The following TMEM135 variants were observed in gnomAD, a reference collection of about 807,000 sequenced individuals.
TMEM135 encodes the protein peroxisomal membrane protein 52.
A neutral mutation model predicts 60.3 loss-of-function variants in TMEM135; 30 were observed. That is an observed-to-expected ratio of 0.50 (90% confidence interval 0.37 to 0.68). TMEM135 has a LOEUF of 0.68. Ranked by LOEUF, TMEM135 falls within the 30% of genes least tolerant of loss-of-function variation. The pLI, the probability that TMEM135 is intolerant of heterozygous loss-of-function variation, is 0.00. For missense variants in TMEM135, 468 were observed against 548.8 expected (o/e 0.85, Z 1.47); for synonymous variants, 190 against 186.7 (o/e 1.02, Z -0.14).
intron 5 of TMEM135, among the ~76,000 whole-genome samples, chr11:87,167,048 G>A (rs113704245): frequency 0.022 from 3,366 of 152,040 alleles, 139 homozygotes; most frequent in African/African-American, 0.078. Context: ...ATTCCTAGGT[G>A]TTTTATTCTC....
At chr11:87,085,779 A>G (rs540403235) in intron 3 of TMEM135, among the ~76,000 whole-genome samples, 18 of 152,260 alleles carry the variant, frequency 1.2e-4, no homozygotes, top group African/African-American at 4.3e-4. Flanking sequence ...AACAACAAAA[A>G]AGATAATTTA....
chr11:87,186,770 G>C (rs1018402808), intron 5 of TMEM135, among the ~76,000 whole-genome samples: 9 of 152,074 alleles, frequency 5.9e-5, no homozygotes, highest in Non-Finnish European at 1.0e-4. Flanking sequence ...GAAACATTTT[G>C]AAACTCAGTA....
intron 4 of TMEM135, among the ~76,000 whole-genome samples, chr11:87,146,820 T>A (rs1451362537): frequency 6.6e-6 from 1 of 152,020 alleles, no homozygotes; most frequent in Non-Finnish European, 1.5e-5. Flanking sequence ...AAAATCAATG[T>A]GTAGAGAGTT....
In TMEM135 at chr11:87,037,967, G is replaced by T; in HGVS notation, c.-79G>T. On this transcript the variant is annotated 5_prime_UTR_variant, in exon 1 of 15. Transcript: ENST00000305494. ...CCTCCGAGTGCTGGCCGGGCGAGAGGCTGGCGGCTGGGCTCTCGCGCCCCT... is the reference window on the plus strand; with the variant it reads ...CCTCCGAGTGCTGGCCGGGCGAGAGTCTGGCGGCTGGGCTCTCGCGCCCCT... 2 of 1,599,224 alleles carry T rather than the reference G, an allele frequency of 1.3e-6. No individual in the cohort carries two copies. Among genetic ancestry groups the T allele is most frequent in the Non-Finnish European group, 1.7e-6 (2 of 1,174,442 alleles).
chr11:87,294,435 G>A (rs1220362862), intron 6 of TMEM135, among the ~76,000 whole-genome samples: 2 of 152,174 alleles, frequency 1.3e-5, no homozygotes, highest in Admixed American at 1.3e-4. Flanking sequence ...CCAGGCTGGA[G>A]AGCAATGGCG....
chr11:87,093,468 C>G (rs1042557572), intron 4 of TMEM135, among the ~76,000 whole-genome samples: 3 of 152,072 alleles, frequency 2.0e-5, no homozygotes, highest in African/African-American at 7.2e-5. Context: ...GCCTTGGCCT[C>G]CCAAAGTGCT....
intron 4 of TMEM135, among the ~76,000 whole-genome samples, chr11:87,155,168 T>A (rs748217470): frequency 6.6e-6 from 1 of 152,100 alleles, no homozygotes; most frequent in African/African-American, 2.4e-5. Context: ...CCAGCTAATT[T>A]ATGTGTTTTT....
intron 3 of TMEM135, among the ~76,000 whole-genome samples, chr11:87,085,254 C>T (rs956737511): frequency 6.6e-6 from 1 of 152,130 alleles, no homozygotes; most frequent in East Asian, 1.9e-4. Flanking sequence ...ATAATATTCT[C>T]TCCGGGTCTG....
intron 4 of TMEM135, among the ~76,000 whole-genome samples, chr11:87,109,216 C>G (rs11234969): frequency 0.081 from 12,359 of 152,150 alleles, 571 homozygotes; most frequent in East Asian, 0.17. Context: ...AGTTGTCCCC[C>G]TTTATCTGCC....
chr11:87,051,008 A>G (rs910437377), intron 1 of TMEM135, among the ~76,000 whole-genome samples: 5 of 91,874 alleles, frequency 5.4e-5, no homozygotes, highest in African/African-American at 2.4e-4. Flanking sequence ...AGGCTGGTTC[A>G]ATATACACAA....
At chr11:87,062,162 C>T (rs919638323) in intron 1 of TMEM135, among the ~76,000 whole-genome samples, 20 of 151,358 alleles carry the variant, frequency 1.3e-4, no homozygotes, top group East Asian at 5.9e-4. Context: ...CACACCACCA[C>T]GCCTGGCTAA....
intron 13 of TMEM135, 155 bp from the exon 14 acceptor site, chr11:87,319,155 C>T (rs1942781839): frequency 1.5e-6 from 1 of 667,662 alleles, no homozygotes; most frequent in African/African-American, 1.8e-5. Flanking sequence ...AGGTGTGAGC[C>T]ACCGTGCCCA....
intron 5 of TMEM135, among the ~76,000 whole-genome samples, chr11:87,229,049 C>A (rs2135365230): frequency 6.6e-6 from 1 of 152,192 alleles, no homozygotes; most frequent in African/African-American, 2.4e-5. Context: ...CCTACAAAGT[C>A]TTTGCAGAGA....
At chr11:87,280,120 T>C (rs1942033586) in intron 6 of TMEM135, among the ~76,000 whole-genome samples, 1 of 152,262 alleles carries the variant, frequency 6.6e-6, no homozygotes, top group Non-Finnish European at 1.5e-5. Context: ...AGTTAATGTG[T>C]GGTTTAATCT....
chr11:87,317,369 G>A (rs1206969397), intron 12 of TMEM135, among the ~76,000 whole-genome samples: 2 of 152,036 alleles, frequency 1.3e-5, no homozygotes, highest in East Asian at 3.9e-4. Context: ...TCAAAATAAT[G>A]GCCAATGTAT....
In TMEM135 at chr11:87,099,665, T is replaced by A. The variant is rs189263038; in HGVS notation, c.396+8270T>A. 1.7e-3 allele frequency among the ~76,000 whole-genome samples: 256 copies of A among 149,996 alleles called. 3 individuals are homozygous for A. The highest frequency in any genetic ancestry group is 5.9e-3 in the African/African-American group (241 of 40,726). On this transcript the variant is annotated intron_variant, in intron 4 of 14. Transcript: ENST00000305494. Reference sequence around the variant, plus strand: ...TGCAGTTGCTGGGTTTATATTGTGGTTACATGTTTCATGGTGGTTTTTTTT... The same window carrying A: ...TGCAGTTGCTGGGTTTATATTGTGGATACATGTTTCATGGTGGTTTTTTTT...
intron 6 of TMEM135, among the ~76,000 whole-genome samples, chr11:87,252,499 A>G (rs1448882039): frequency 6.6e-6 from 1 of 152,178 alleles, no homozygotes; most frequent in Admixed American, 6.5e-5. Flanking sequence ...GGAGCCGGGC[A>G]CAGTGGCTCA....
At chr11:87,231,988 A>G (rs1940899610) in intron 5 of TMEM135, among the ~76,000 whole-genome samples, 1 of 151,020 alleles carries the variant, frequency 6.6e-6, no homozygotes, top group African/African-American at 2.4e-5. Context: ...GTCTCATTCC[A>G]TCACCCAGGC....
chr11:87,263,792 T>A (rs1341201028), intron 6 of TMEM135, among the ~76,000 whole-genome samples: 1 of 152,072 alleles, frequency 6.6e-6, no homozygotes, highest in African/African-American at 2.4e-5. Flanking sequence ...ACACAGCAGT[T>A]AGTGGCAGAG....
Sources: allele counts gnomAD v4.1 joint callset (sites outside exome capture counted in the v4.1 genomes callset), GRCh38; gene constraint gnomAD v4.1.1; transcripts MANE v1.5; gene names NCBI Gene and HGNC (gene_info 2026-07-23, HGNC 2026-07-21).